CEP63: variants seen among roughly 807,000 people sequenced by gnomAD.
CEP63 encodes centrosomal protein of 63 kDa.
Under a neutral mutation model 89.1 loss-of-function variants are expected in CEP63, and 84 were observed. The ratio of observed to expected loss-of-function variants is 0.94; its 90% CI spans 0.79 to 1.13. The LOEUF is 1.13. Ranked by LOEUF, CEP63 falls within the 50% of genes most tolerant of loss-of-function variation. The probability of loss-of-function intolerance (pLI) is 0.00; values close to 1 mark genes in which losing one functional copy is unlikely to be tolerated. For missense variants in CEP63, 838 were observed against 813.3 expected (o/e 1.03, Z -0.37); for synonymous variants, 267 against 272.5 (o/e 0.98, Z 0.20).
At chr3:134,691,693 A>T in the CEP63 span, among the ~76,000 whole-genome samples, 7 of 152,148 alleles carry the variant, frequency 4.6e-5, no homozygotes, top group African/African-American at 1.7e-4. Context: ...CATGAAAACA[A>T]ATCTATTTTC....
chr3:134,707,986 C>T, the CEP63 span, among the ~76,000 whole-genome samples: 1 of 152,092 alleles, frequency 6.6e-6, no homozygotes, highest in Non-Finnish European at 1.5e-5. Context: ...AGACCTCTTT[C>T]CTCCAAGGAC....
chr3:134,746,953 G>A, the CEP63 span, among the ~76,000 whole-genome samples: 29 of 152,258 alleles, frequency 1.9e-4, no homozygotes, highest in Non-Finnish European at 3.5e-4. Flanking sequence ...TGTCTATTTT[G>A]GCTTTTGTTG....
chr3:134,561,779 T>TA lies in CEP63; in HGVS notation c.*245dup, dbSNP rs1293646415. The TA allele has an allele frequency of 1.7e-5, 22 of 1,302,830 alleles. No individual in the cohort carries two copies. The East Asian group carries it at 7.5e-4, about 44-fold the overall frequency. 80.7% of individuals were successfully genotyped at this position (1,302,830 alleles called of 1,614,324 possible). On this transcript the variant is annotated 3_prime_UTR_variant, in exon 15 of 15. Coordinates refer to ENST00000675561, the MANE Select transcript of CEP63 (RefSeq NM_001353108.3). The stretch of plus-strand genomic sequence containing the variant: ...ACCACTTTGCTAGACTTTTTTCTCA[T>TA]ACGAATATTTATTATCATAAAGTGA...
At chr3:134,732,383 T>C in the CEP63 span, among the ~76,000 whole-genome samples, 70 of 152,194 alleles carry the variant, frequency 4.6e-4, no homozygotes, top group South Asian at 5.8e-3. Flanking sequence ...ATCTGAAGAT[T>C]CCAAAATGCT....
At chr3:134,731,650 A>C in the CEP63 span, among the ~76,000 whole-genome samples, 3 of 152,170 alleles carry the variant, frequency 2.0e-5, no homozygotes, top group African/African-American at 7.2e-5. Context: ...TGAGAAGGCA[A>C]GCAAGTAAAG....
chr3:134,674,538 A>G, the CEP63 span, among the ~76,000 whole-genome samples: 3 of 152,228 alleles, frequency 2.0e-5, no homozygotes, highest in African/African-American at 4.8e-5. Flanking sequence ...CAGGACATGC[A>G]TATCTGCTCT....
the CEP63 span, among the ~76,000 whole-genome samples, chr3:134,652,915 G>C: frequency 6.6e-6 from 1 of 152,168 alleles, no homozygotes; most frequent in Non-Finnish European, 1.5e-5. Flanking sequence ...TGTTGGTGAT[G>C]GTGGGGGGAG....
intron 12 of CEP63, chr3:134,552,690 A>G (rs1955191340): frequency 6.6e-6 from 1 of 152,004 alleles, no homozygotes; most frequent in South Asian, 2.1e-4. Flanking sequence ...TATGTTTGTT[A>G]TCTTTTTAGA....
chr3:134,636,680 A>G, the CEP63 span, among the ~76,000 whole-genome samples: 1 of 152,296 alleles, frequency 6.6e-6, no homozygotes, highest in South Asian at 2.1e-4. Flanking sequence ...TAACCTGCAG[A>G]TTGGTGAGCT....
intron 3 of CEP63, among the ~76,000 whole-genome samples, chr3:134,513,348 C>T (rs1223894578): frequency 5.3e-5 from 8 of 152,120 alleles, no homozygotes; most frequent in Non-Finnish European, 1.2e-4. Flanking sequence ...TAGAAATCAG[C>T]TTTAGAAGTA....
intron 12 of CEP63, among the ~76,000 whole-genome samples, chr3:134,556,286 A>G (rs1370594034): frequency 2.6e-5 from 4 of 152,126 alleles, no homozygotes; most frequent in Non-Finnish European, 5.9e-5. Context: ...GATCTCATTA[A>G]ACTAAAGAGC....
chr3:134,486,598 GA>G, intron 1 of CEP63: 1 of 890,192 alleles, frequency 1.1e-6, no homozygotes. Context: ...TTCCCCGGCG[GA>G]CCCACCTTCC....
the CEP63 span, among the ~76,000 whole-genome samples, chr3:134,740,086 G>GTATCTGA: frequency 6.0e-4 from 91 of 152,228 alleles, no homozygotes; most frequent in African/African-American, 2.2e-3. Context: ...AGAACACGGA[G>GTATCTGA]TATCTGAGGC....
Position 134,561,782 on chromosome 3 carries a change from G to A in CEP63, c.*247G>A, listed in dbSNP as rs1957372173. On this transcript the variant is annotated 3_prime_UTR_variant, in exon 15 of 15. Transcript: ENST00000675561. ...ACTTTGCTAGACTTTTTTCTCATACGAATATTTATTATCATAAAGTGATAC... is the reference window on the plus strand; with the variant it reads ...ACTTTGCTAGACTTTTTTCTCATACAAATATTTATTATCATAAAGTGATAC... 4 of 1,297,552 alleles carry A rather than the reference G, an allele frequency of 3.1e-6. No individual in the cohort carries two copies. The highest frequency in any genetic ancestry group is 3.6e-5 in the East Asian group (1 of 27,776). The allele number at this position is 1,297,552 out of a possible 1,614,324, so 80.4% of individuals were successfully genotyped here.
At chr3:134,542,295 A>G (rs1057313815) in intron 6 of CEP63, among the ~76,000 whole-genome samples, 2 of 152,184 alleles carry the variant, frequency 1.3e-5, no homozygotes, top group African/African-American at 2.4e-5. Flanking sequence ...ACTTTTGAAG[A>G]AAAAAATGAC....
chr3:134,601,011 C>T, the CEP63 span: 1 of 152,226 alleles, frequency 6.6e-6, no homozygotes, highest in East Asian at 1.9e-4. Context: ...CTCCGCACTT[C>T]GGACACCTGG....
the CEP63 span, among the ~76,000 whole-genome samples, chr3:134,649,561 C>A: frequency 6.6e-6 from 1 of 152,200 alleles, no homozygotes; most frequent in Non-Finnish European, 1.5e-5. Context: ...CCTGGGCAGG[C>A]CATTTCCCCT....
At chr3:134,620,401 T>G in the CEP63 span, among the ~76,000 whole-genome samples, 1 of 152,128 alleles carries the variant, frequency 6.6e-6, no homozygotes, top group Non-Finnish European at 1.5e-5. Flanking sequence ...ATGGTAATCC[T>G]TCTTGGAGAT....
the CEP63 span, among the ~76,000 whole-genome samples, chr3:134,761,261 C>T: frequency 6.6e-6 from 1 of 152,178 alleles, no homozygotes; most frequent in Non-Finnish European, 1.5e-5. Context: ...CCAACATGGT[C>T]CCCTAATTAA....
Sources: allele counts gnomAD v4.1 joint callset (sites outside exome capture counted in the v4.1 genomes callset), GRCh38; gene constraint gnomAD v4.1.1; transcripts MANE v1.5; gene names NCBI Gene and HGNC (gene_info 2026-07-23, HGNC 2026-07-21).